Variants in IL32 observed in about 807,000 individuals in gnomAD.
IL32 encodes the protein interleukin 32.
A neutral mutation model predicts 16.6 loss-of-function variants in IL32; 30 were observed. The ratio of observed to expected loss-of-function variants is 1.81; its 90% CI spans 1.35 to 2.45. The LOEUF (loss-of-function observed/expected upper bound fraction) is 2.45. Among genes scored for constraint, IL32 ranks in the 30% most tolerant of loss-of-function variants. The pLI, the probability that IL32 is intolerant of heterozygous loss-of-function variation, is 0.00. For synonymous variants in IL32, 70 were observed against 86.1 expected (o/e 0.81, Z 1.03); for missense variants, 234 against 229.8 (o/e 1.02, Z -0.12).
In IL32 at chr16:3,067,271, CTGTGTGTGTGTGTGTGTGT is replaced by C. The variant is rs1956459331; in HGVS notation, c.16-105_16-87del. 14 of 603,558 alleles carry C rather than the reference CTGTGTGTGTGTGTGTGTGT, an allele frequency of 2.3e-5. No homozygotes were observed. The East Asian group carries it at 3.7e-4, about 16-fold the overall frequency. 37.4% of individuals were successfully genotyped at this position (603,558 alleles called of 1,614,324 possible). On this transcript the variant is annotated intron_variant, in intron 2 of 6. Coordinates refer to ENST00000525643, the MANE Select transcript of IL32 (RefSeq NM_001376923.1). ...TATCCTGTACCTCTGCCATGTGTCT[CTGTGTGTGTGTGTGTGTGT>C]GTGTGTGTGTGTGTGTGTGTATAAA...
intron 1 of IL32, 21 bp downstream of exon 1, chr16:3,065,708 A>G: frequency 7.5e-7 from 1 of 1,339,390 alleles, no homozygotes; most frequent in Admixed American, 1.7e-5. Context: ...GGGGTCCCCG[A>G]AGGTGAGGAC....
intron 3 of IL32, 32 bp downstream of exon 3, chr16:3,067,447 T>C: frequency 1.2e-6 from 2 of 1,610,506 alleles, no homozygotes; most frequent in Middle Eastern, 1.7e-4. Context: ...GCTCAGGGGT[T>C]GGGGGCCTGG....
chr16:3,068,871 C>T, intron 6 of IL32, 119 bp from the exon 7 acceptor site: 1 of 1,511,868 alleles, frequency 6.6e-7, no homozygotes, highest in Non-Finnish European at 8.9e-7. Context: ...GGTTGGGAAA[C>T]CAACACCTGT....
chr16:3,065,470 G>A, upstream of IL32: 1 of 408,074 alleles, frequency 2.5e-6, no homozygotes, highest in Middle Eastern at 7.2e-4. Context: ...TCCTCCCAGG[G>A]ACCCCAGACC....
In IL32 at chr16:3,066,647, T is replaced by C. The variant is rs536312536; in HGVS notation, c.16-730T>C. 4.3e-4 allele frequency among the ~76,000 whole-genome samples: 65 copies of C among 152,230 alleles called. 1 individual carries two copies. The highest frequency in any genetic ancestry group is 1.9e-4 in the Non-Finnish European group (13 of 68,024). Reference sequence around the variant, plus strand: ...GCAGGCAGGAATGGCCCGGGACCTGTGGGTCTGCATGTTGGCAGTCGGGAA... The same window carrying C: ...GCAGGCAGGAATGGCCCGGGACCTGCGGGTCTGCATGTTGGCAGTCGGGAA... On this transcript the variant is annotated intron_variant, in intron 2 of 6. Coordinates refer to ENST00000525643, the MANE Select transcript of IL32 (RefSeq NM_001376923.1).
chr16:3,069,218 C>G lies in IL32; in HGVS notation c.430C>G (p.Leu144Val). ...VVALVHAVQA[L>V]WKQFQSFCCS... is the part of the protein sequence containing the mutation. ...GGCCCTGGTCCATGCAGTGCAGGCC[C>G]TCTGGAAACAGTTCCAGAGTTTCTG... The change falls in exon 7 of 7, where the codon CTC becomes GTC. Residue 144 changes from leucine (L) to valine (V), a missense_variant. Coordinates refer to ENST00000525643, the MANE Select transcript of IL32 (RefSeq NM_001376923.1). 6.2e-7 allele frequency: 1 copy of G among 1,614,214 alleles called. No homozygotes were observed. Among genetic ancestry groups the G allele is most frequent in the East Asian group, 2.2e-5 (1 of 44,886 alleles).
intron 2 of IL32, among the ~76,000 whole-genome samples, chr16:3,066,374 C>T (rs531469138): frequency 1.1e-4 from 16 of 152,340 alleles, no homozygotes; most frequent in South Asian, 6.2e-4. Flanking sequence ...CATGTCGGCA[C>T]GGTGCTGCTT....
In IL32 at chr16:3,065,857, G is replaced by C. The variant is rs1956251480; in HGVS notation, c.15+31G>C. The C allele has an allele frequency of 1.9e-6, 3 of 1,613,902 alleles. No individual in the cohort carries two copies. In the African/African-American group the frequency reaches 4.0e-5, roughly 22 times the overall value. On this transcript the variant is annotated intron_variant, in intron 2 of 6. Coordinates refer to ENST00000525643, the MANE Select transcript of IL32 (RefSeq NM_001376923.1). ...TGAGAGGCTGCGTGTGCTTTTGTGG[G>C]CATGTCTGAAAACAGACCGTAAGGG...
At chr16:3,068,506 T>G in intron 6 of IL32, 1 of 483,008 alleles carries the variant, frequency 2.1e-6, no homozygotes, top group Non-Finnish European at 3.8e-6. Context: ...AGAGACCAGG[T>G]TTCACCATGT....
chr16:3,067,672 CTG>C, intron 4 of IL32, 59 bp downstream of exon 4: 1 of 1,266,668 alleles, frequency 7.9e-7, no homozygotes, highest in Middle Eastern at 1.9e-4. Context: ...GCACTCCACC[CTG>C]TGTGGGGCTC....
chr16:3,068,132 G>C, intron 5 of IL32, 48 bp from the exon 6 acceptor site: 1 of 1,603,158 alleles, frequency 6.2e-7, no homozygotes, highest in Middle Eastern at 1.7e-4. Context: ...ACAGTGGGAA[G>C]GGGGCAGGCA....
rs1488825472 is a variant in IL32, at chr16:3,065,655, G to A, written c.-61G>A. 3 of 775,656 alleles carry A rather than the reference G, an allele frequency of 3.9e-6. No homozygotes were observed. Among genetic ancestry groups the A allele is most frequent in the East Asian group, 4.9e-5 (2 of 41,092 alleles). 48.0% of individuals were successfully genotyped at this position (775,656 alleles called of 1,614,324 possible). On this transcript the variant is annotated 5_prime_UTR_variant, in exon 1 of 7. Coordinates refer to ENST00000525643, the MANE Select transcript of IL32 (RefSeq NM_001376923.1). ...TGTGCCAGGAAGACTGCGTGCAGAA[G>A]GTGACTGTCTCAGTGGAGCTGGGTC...
At position 3,066,156 on chromosome 16, in the gene IL32, G is replaced by C. The variant is rs527749706; in HGVS notation, c.15+330G>C. ...CTCTCAGAGGCCGGCTCAGCTGGGT[G>C]GGCCCAAGAGCAAGGCCTGTGTGGG... On this transcript the variant is annotated intron_variant, in intron 2 of 6. Coordinates refer to ENST00000525643, the MANE Select transcript of IL32 (RefSeq NM_001376923.1). 3.9e-5 allele frequency among the ~76,000 whole-genome samples: 6 copies of C among 152,184 alleles called. No individual in the cohort carries two copies. The South Asian group carries it at 1.2e-3, about 31-fold the overall frequency.
Position 3,069,299 on chromosome 16 carries a change from G to C in IL32, c.511G>C (p.Gly171Arg), listed in dbSNP as rs749342733. The change falls in exon 7 of 7, where the codon GGG (glycine) becomes CGG (arginine). Residue 171 changes from glycine to arginine, a missense_variant. By Grantham distance (125) the Gly-to-Arg change is moderately radical (BLOSUM62 -2). This residue lies in a region of IL32 where 53 missense variants were observed against 46.1 expected (regional missense o/e 1.15). Transcript: ENST00000525643. ...TTTCCAGTCCTACGGAGCCCCACGGGGGGACAAGGAGGAGCTGACACCCCA... is the reference window on the plus strand; with the variant it reads ...TTTCCAGTCCTACGGAGCCCCACGGCGGGACAAGGAGGAGCTGACACCCCA... ...SSFQSYGAPR[G>R]DKEELTPQKC... The C allele has an allele frequency of 3.0e-5, 49 of 1,613,822 alleles. No individual in the cohort carries two copies. The highest frequency in any genetic ancestry group is 2.7e-5 in the African/African-American group (2 of 74,890).
rs776494993 is a variant in IL32 at position 3,065,853 on chromosome 16, G to T, written c.15+27G>T. On this transcript the variant is annotated intron_variant, in intron 2 of 6. Transcript: ENST00000525643. ...TGAGTGAGAGGCTGCGTGTGCTTTT[G>T]TGGGCATGTCTGAAAACAGACCGTA... The T allele has an allele frequency of 3.1e-6, 5 of 1,613,986 alleles. No homozygotes were observed. In the South Asian group the frequency reaches 3.3e-5, roughly 11 times the overall value.
rs371336665 is a variant in IL32, at chr16:3,067,966, G to C, written c.115-18G>C. On this transcript the variant is annotated intron_variant, in intron 4 of 6. Coordinates refer to ENST00000525643, the MANE Select transcript of IL32 (RefSeq NM_001376923.1). The stretch of plus-strand genomic sequence containing the variant: ...AGAGGAGGCTTGGGCCTGGAACCGA[G>C]TGCTTTGTTCCTAACAGGTGATGTC... The C allele has an allele frequency of 5.5e-5, 88 of 1,613,994 alleles. No homozygotes were observed. The highest frequency in any genetic ancestry group is 6.9e-5 in the Non-Finnish European group (81 of 1,179,952).
chr16:3,067,426 T>C lies in IL32; in HGVS notation c.54+11T>C. 1.9e-6 allele frequency: 3 copies of C among 1,597,318 alleles called. No individual in the cohort carries two copies. Among genetic ancestry groups the C allele is most frequent in the African/African-American group, 2.7e-5 (2 of 74,290 alleles). ...CTGAAGGCCCGAATGGTAATGCTCCTCCCTACTTCTGCTCAGGGGTTGGGG... is the reference window on the plus strand; with the variant it reads ...CTGAAGGCCCGAATGGTAATGCTCCCCCCTACTTCTGCTCAGGGGTTGGGG... On this transcript the variant is annotated intron_variant, in intron 3 of 6. Coordinates refer to ENST00000525643, the MANE Select transcript of IL32 (RefSeq NM_001376923.1).
At chr16:3,066,817 G>A (rs1473077396) in intron 2 of IL32, among the ~76,000 whole-genome samples, 2 of 152,048 alleles carry the variant, frequency 1.3e-5, no homozygotes, top group African/African-American at 4.8e-5. Context: ...CATAGTGGTT[G>A]TGGGAAACCC....
Position 3,069,092 on chromosome 16 carries a change from G to C in IL32, c.304G>C (p.Glu102Gln), listed in dbSNP as rs757665795. The C allele has an allele frequency of 1.1e-5, 18 of 1,608,970 alleles. No homozygotes were observed. In the South Asian group the frequency reaches 2.0e-4, roughly 18 times the overall value. Residue 102 changes from glutamate to glutamine, a missense_variant, in exon 7 of 7, where the codon GAG (glutamate) becomes CAG (glutamine). Coordinates refer to ENST00000525643, the MANE Select transcript of IL32 (RefSeq NM_001376923.1). Reference sequence around the variant, plus strand: ...GGATCCCGCAACCGAGGAGCCTGGGGAGAGCTTTTGTGACAAGGTCATGAG... The same window carrying C: ...GGATCCCGCAACCGAGGAGCCTGGGCAGAGCTTTTGTGACAAGGTCATGAG... ...VEDPATEEPG[E>Q]SFCDKVMRWF...
Sources: gnomAD v4.1 joint callset for allele counts (sites outside exome capture counted in the v4.1 genomes callset) on GRCh38, gnomAD v4.1.1 for gene constraint, gnomAD v4.1.1 regional missense constraint, MANE v1.5 for transcripts, NCBI Gene and HGNC (gene_info 2026-07-23, HGNC 2026-07-21) for gene names.